CABIN1: variants seen among roughly 807,000 people sequenced by gnomAD.
The protein encoded by CABIN1 is calcineurin binding protein 1.
In CABIN1, 133 loss-of-function variants were observed where a neutral mutation model predicts 227.7. The observed-to-expected ratio is 0.58, with a 90% CI of 0.51 to 0.67. The LOEUF (loss-of-function observed/expected upper bound fraction) is 0.67. CABIN1 is among the 30% of genes least tolerant of loss of function. CABIN1 has a pLI of 0.00. For synonymous variants in CABIN1, 1,086 were observed against 1,155.1 expected, an observed-to-expected ratio of 0.94 and a Z score of 1.21; for missense variants, 2,408 against 2,852.5, an observed-to-expected ratio of 0.84 and a Z score of 3.55.
intron 8 of CABIN1, among the ~76,000 whole-genome samples, chr22:24,052,336 A>T (rs2038398841): frequency 6.7e-6 from 1 of 150,328 alleles, no homozygotes; most frequent in Non-Finnish European, 1.5e-5. Context: ...GTAGCAGAGG[A>T]CATGATGCTT....
At chr22:24,094,678 G>A (rs908300215) in intron 24 of CABIN1, among the ~76,000 whole-genome samples, 1 of 151,022 alleles carries the variant, frequency 6.6e-6, no homozygotes. Context: ...TTAGCCGGGC[G>A]CGGTGGCGGG....
intron 1 of CABIN1, chr22:24,011,577 G>GC (rs921352345): frequency 2.2e-4 from 34 of 152,386 alleles, no homozygotes; most frequent in African/African-American, 7.9e-4. Context: ...TCTCGCCGCC[G>GC]CCCTGAGGTG....
chr22:24,178,016 C>T, intron 36 of CABIN1, 37 bp from the exon 37 acceptor site: 1 of 1,611,972 alleles, frequency 6.2e-7, no homozygotes, highest in Non-Finnish European at 8.5e-7. Context: ...AGAGCCCAGC[C>T]ATCCTTGACC....
chr22:24,131,358 C>T (rs541277093), intron 28 of CABIN1, among the ~76,000 whole-genome samples: 3 of 152,292 alleles, frequency 2.0e-5, no homozygotes, highest in Admixed American at 2.0e-4. Flanking sequence ...CAGGCCTGTG[C>T]CCTGGGTCAT....
chr22:24,164,706 G>C, intron 30 of CABIN1, 143 bp downstream of exon 30: 2 of 1,011,378 alleles, frequency 2.0e-6, no homozygotes, highest in East Asian at 2.6e-5. Flanking sequence ...CTCCTTGGGG[G>C]CCTCTCTGTC....
chr22:24,014,271 T>C (rs1353222422), intron 1 of CABIN1, among the ~76,000 whole-genome samples: 2 of 152,254 alleles, frequency 1.3e-5, no homozygotes, highest in African/African-American at 2.4e-5. Flanking sequence ...TATTTGATTA[T>C]TTATGTGTCA....
At chr22:24,138,031 C>A (rs2044524661) in intron 29 of CABIN1, among the ~76,000 whole-genome samples, 1 of 152,182 alleles carries the variant, frequency 6.6e-6, no homozygotes. Flanking sequence ...GCACCCTAAT[C>A]CCTATCCCTC....
intron 8 of CABIN1, among the ~76,000 whole-genome samples, chr22:24,053,160 C>G (rs1465151844): frequency 6.7e-6 from 1 of 149,800 alleles, no homozygotes; most frequent in Non-Finnish European, 1.5e-5. Context: ...TCACTGCAAG[C>G]TCTGCCTCCT....
At chr22:24,027,993 G>A (rs1360725601) in intron 1 of CABIN1, among the ~76,000 whole-genome samples, 1 of 151,308 alleles carries the variant, frequency 6.6e-6, no homozygotes, top group African/African-American at 2.4e-5. Context: ...TGTGGGTTTG[G>A]TTCCAGACCA....
chr22:24,138,428 CA>C (rs146226344), intron 29 of CABIN1, among the ~76,000 whole-genome samples: 1,944 of 152,292 alleles, frequency 0.013, 35 homozygotes, highest in African/African-American at 0.045. Context: ...TCAATTTCAA[CA>C]CCTGGAGATG....
chr22:24,013,701 G>T (rs949327975), intron 1 of CABIN1, among the ~76,000 whole-genome samples: 1 of 152,008 alleles, frequency 6.6e-6, no homozygotes, highest in Non-Finnish European at 1.5e-5. Context: ...TTAAATTAAG[G>T]TTGTGTTTTC....
At chr22:24,064,280 ACTG>A in intron 15 of CABIN1, 93 bp downstream of exon 15, 1 of 1,306,422 alleles carries the variant, frequency 7.7e-7, no homozygotes. Context: ...ATCTCGGCTC[ACTG>A]CAACCTACAC....
At chr22:24,082,085 C>CTCT (rs1569179032) in intron 19 of CABIN1, among the ~76,000 whole-genome samples, 1 of 121,182 alleles carries the variant, frequency 8.3e-6, no homozygotes, top group Non-Finnish European at 1.7e-5. Flanking sequence ...TATTCTCTCT[C>CTCT]TTTTTTTTTT....
At position 24,177,103 on chromosome 22, in the gene CABIN1, G is replaced by A. The variant is rs1369635939; in HGVS notation, c.6206-401G>A. ...GCCAGCTCAGTGACCATGCCTGGCTGAGCGACCAGCTCTGGGCTTCAGTGT... is the reference window on the plus strand; with the variant it reads ...GCCAGCTCAGTGACCATGCCTGGCTAAGCGACCAGCTCTGGGCTTCAGTGT... On this transcript the variant is annotated intron_variant, in intron 35 of 36. Coordinates refer to ENST00000263119, the MANE Select transcript of CABIN1 (RefSeq NM_012295.4). The surrounding 1 kb of genome is among the most constrained non-coding windows in gnomAD (Gnocchi z 4.4). Among the ~76,000 whole-genome samples, 1 of 152,246 alleles carries A rather than the reference G, an allele frequency of 6.6e-6. No individual in the cohort carries two copies. Among genetic ancestry groups the A allele is most frequent in the East Asian group, 1.9e-4 (1 of 5,200 alleles).
intron 1 of CABIN1, among the ~76,000 whole-genome samples, chr22:24,034,133 C>T (rs2036695309): frequency 6.6e-6 from 1 of 152,222 alleles, no homozygotes; most frequent in Non-Finnish European, 1.5e-5. Flanking sequence ...GTTTGTGCTC[C>T]TATGAGAATC....
At chr22:24,172,057 G>A (rs959109932) in intron 34 of CABIN1, 62 bp downstream of exon 34, 43 of 1,554,306 alleles carry the variant, frequency 2.8e-5, no homozygotes, top group Non-Finnish European at 3.2e-5. Context: ...TCCTCCCTGC[G>A]GGGAGAGTGT....
At chr22:24,064,512 G>GTTTTTTTTTTTTTTTTTTTT (rs782268156) in intron 15 of CABIN1, among the ~76,000 whole-genome samples, 7 of 106,900 alleles carry the variant, frequency 6.5e-5, no homozygotes, top group African/African-American at 7.3e-5. Flanking sequence ...CAGCTGAAAG[G>GTTTTTTTTTTTTTTTTTTTT]TTTTTTTTTT....
At chr22:24,080,640 T>G (rs996723372) in intron 19 of CABIN1, among the ~76,000 whole-genome samples, 1 of 152,210 alleles carries the variant, frequency 6.6e-6, no homozygotes, top group Admixed American at 6.5e-5. Flanking sequence ...AAAGTATAGC[T>G]GTAAAATTGT....
chr22:24,043,207 G>A, intron 6 of CABIN1, 123 bp downstream of exon 6: 1 of 719,848 alleles, frequency 1.4e-6, no homozygotes, highest in Non-Finnish European at 2.4e-6. Flanking sequence ...CTGTCAGGGA[G>A]AATGGCAATG....
Sources: gnomAD v4.1 joint callset for allele counts (sites outside exome capture counted in the v4.1 genomes callset) on GRCh38, gnomAD v4.1.1 for gene constraint, Gnocchi (gnomAD v3.1) non-coding constraint, MANE v1.5 for transcripts, NCBI Gene and HGNC (gene_info 2026-07-23, HGNC 2026-07-21) for gene names.